Variants in ESF1 observed in about 807,000 individuals in gnomAD.
The protein encoded by ESF1 is ESF1 homolog.
Under a neutral mutation model 92.0 loss-of-function variants are expected in ESF1, and 58 were observed. The observed-to-expected ratio is 0.63, with a 90% confidence interval of 0.51 to 0.78. The LOEUF (loss-of-function observed/expected upper bound fraction) is 0.78, where lower values mean the gene tolerates loss of function less well. ESF1 is among the 30% of genes least tolerant of loss of function. ESF1 has a pLI of 0.00. For synonymous variants in ESF1, 321 were observed against 313.7 expected (o/e 1.02, Z -0.24); for missense variants, 922 against 989.1 (o/e 0.93, Z 0.91).
chr20:13,775,724 T>C (rs907989170), intron 3 of ESF1, 149 bp downstream of exon 3: 3 of 899,806 alleles, frequency 3.3e-6, no homozygotes, highest in Non-Finnish European at 4.7e-6. Context: ...CTAGTTCATA[T>C]AATTATATTC....
chr20:13,770,233 C>T (rs1050590632), intron 6 of ESF1, among the ~76,000 whole-genome samples: 4 of 152,090 alleles, frequency 2.6e-5, no homozygotes, highest in Admixed American at 2.6e-4. Context: ...TCTGTAATTC[C>T]ACTAAATTTA....
chr20:13,716,352 G>A (rs2049824709), intron 13 of ESF1, among the ~76,000 whole-genome samples: 1 of 152,108 alleles, frequency 6.6e-6, no homozygotes, highest in Non-Finnish European at 1.5e-5. Flanking sequence ...GAAAAAACAT[G>A]GCTTACTGCG....
At chr20:13,717,870 T>C (rs2049840689) in intron 12 of ESF1, among the ~76,000 whole-genome samples, 1 of 152,094 alleles carries the variant, frequency 6.6e-6, no homozygotes. Context: ...TTTTGCGCAA[T>C]GATGCTAAAT....
intron 11 of ESF1, among the ~76,000 whole-genome samples, chr20:13,719,311 A>AT (rs1224441744): frequency 3.9e-5 from 6 of 152,166 alleles, no homozygotes; most frequent in Non-Finnish European, 1.5e-5. Context: ...AAGAATACTG[A>AT]TTAACATTCA....
chr20:13,715,264 T>G, intron 13 of ESF1, 97 bp from the exon 14 acceptor site: 4 of 1,181,130 alleles, frequency 3.4e-6, no homozygotes, highest in Non-Finnish European at 4.6e-6. Context: ...AGTTGGTGAG[T>G]TGATTATATA....
chr20:13,752,347 C>T (rs1478595091), intron 9 of ESF1, among the ~76,000 whole-genome samples: 2 of 152,174 alleles, frequency 1.3e-5, no homozygotes, highest in Admixed American at 1.3e-4. Context: ...TGCACTGTGA[C>T]CTGGTTTCCT....
rs976928035 is a variant in ESF1, at chr20:13,733,585, T to G, written c.1950+136A>C. 9 of 927,684 alleles carry G rather than the reference T, an allele frequency of 9.7e-6. No individual in the cohort carries two copies. The Admixed American group carries it at 2.5e-4, about 26-fold the overall frequency. The allele number at this position is 927,684 out of a possible 1,614,324, so 57.5% of individuals were successfully genotyped here. ...AACTTTCTGCATTCTCACTTTCCTC[T>G]TTCTTAAAATTGGGATGATAACAAG... On this transcript the variant is annotated intron_variant, in intron 10 of 13. Transcript: ENST00000617257.
chr20:13,763,975 G>A (rs1979318909), intron 8 of ESF1, among the ~76,000 whole-genome samples: 1 of 152,114 alleles, frequency 6.6e-6, no homozygotes, highest in African/African-American at 2.4e-5. Context: ...GTCTTCAGGA[G>A]TCTAAAAGAA....
intron 9 of ESF1, among the ~76,000 whole-genome samples, chr20:13,752,654 A>G (rs1214203049): frequency 6.6e-6 from 1 of 152,256 alleles, no homozygotes; most frequent in Non-Finnish European, 1.5e-5. Flanking sequence ...AAACATTTTT[A>G]CTTCTAAATA....
intron 9 of ESF1, among the ~76,000 whole-genome samples, chr20:13,742,804 A>G (rs2050023923): frequency 6.6e-6 from 1 of 152,202 alleles, no homozygotes. Flanking sequence ...AAAGTTAACA[A>G]CTTTAATATC....
intron 5 of ESF1, among the ~76,000 whole-genome samples, chr20:13,771,912 CTTTT>C (rs5840576): frequency 3.1e-5 from 4 of 128,738 alleles, no homozygotes; most frequent in Admixed American, 7.7e-5. Context: ...ACAACACATT[CTTTT>C]TTTTTTTTTT....
intron 11 of ESF1, among the ~76,000 whole-genome samples, chr20:13,719,513 T>G (rs2147716945): frequency 6.6e-6 from 1 of 152,038 alleles, no homozygotes; most frequent in East Asian, 1.9e-4. Flanking sequence ...TATAATAAAA[T>G]ATAGCATCAT....
chr20:13,738,138 C>T (rs2049987531), intron 9 of ESF1, among the ~76,000 whole-genome samples: 1 of 152,096 alleles, frequency 6.6e-6, no homozygotes, highest in Non-Finnish European at 1.5e-5. Context: ...TTTGCCAGGG[C>T]CATTTTTTCC....
chr20:13,770,628 G>A (rs1023076221), intron 6 of ESF1, among the ~76,000 whole-genome samples: 5 of 152,322 alleles, frequency 3.3e-5, no homozygotes, highest in South Asian at 2.1e-4. Context: ...GATTATAGGC[G>A]TGAGCTACTA....
At chr20:13,738,249 G>A (rs917481207) in intron 9 of ESF1, among the ~76,000 whole-genome samples, 4 of 151,956 alleles carry the variant, frequency 2.6e-5, no homozygotes, top group African/African-American at 9.7e-5. Flanking sequence ...AAGATCTGAA[G>A]GGTTTTGAAC....
Position 13,769,966 on chromosome 20 carries a change from C to T in ESF1, c.1459G>A (p.Val487Met), listed in dbSNP as rs768201369. 25 of 1,612,308 alleles carry T rather than the reference C, an allele frequency of 1.6e-5. No individual in the cohort carries two copies. Among genetic ancestry groups the T allele is most frequent in the Non-Finnish European group, 2.0e-5 (24 of 1,179,760 alleles). ...TTTGGTTTATATGCTGTTAAATTCA[C>T]TTCTGAGGCTACATCCTTAGGCTCA... ...DDEPKDVASE[V>M]NLTAYKPKYF... Residue 487 changes from valine (V) to methionine (M), a missense_variant, in exon 7 of 14, where the codon GTG (valine) becomes ATG (methionine). Physicochemically the swap from Val to Met is conservative, Grantham distance 21 (BLOSUM62 1). Coordinates refer to ENST00000617257, the MANE Select transcript of ESF1 (RefSeq NM_001276380.2).
At chr20:13,775,708 C>T (rs752055340) in intron 3 of ESF1, among the ~76,000 whole-genome samples, 165 bp downstream of exon 3, 24 of 152,050 alleles carry the variant, frequency 1.6e-4, no homozygotes, top group Non-Finnish European at 2.5e-4. Flanking sequence ...TCTGCTTGGA[C>T]GTCTTCTAGT....
chr20:13,780,457 C>A (rs920582288), intron 2 of ESF1, among the ~76,000 whole-genome samples: 1 of 152,170 alleles, frequency 6.6e-6, no homozygotes, highest in Non-Finnish European at 1.5e-5. Context: ...CCTATCCTTT[C>A]TTCCCACACC....
At chr20:13,736,762 C>T (rs1403577565) in intron 9 of ESF1, among the ~76,000 whole-genome samples, 1 of 152,108 alleles carries the variant, frequency 6.6e-6, no homozygotes, top group Non-Finnish European at 1.5e-5. Flanking sequence ...TAAAATAATT[C>T]GTGAAATGTT....
Sources: gnomAD v4.1 joint callset for allele counts (sites outside exome capture counted in the v4.1 genomes callset) on GRCh38, gnomAD v4.1.1 for gene constraint, MANE v1.5 for transcripts, NCBI Gene and HGNC (gene_info 2026-07-23, HGNC 2026-07-21) for gene names.